The following HNRNPU variants were observed in gnomAD, a reference collection of about 807,000 sequenced individuals.
HNRNPU encodes HNRNPU antisense RNA 1.
A neutral mutation model predicts 94.7 loss-of-function variants in HNRNPU; 5 were observed. The ratio of observed to expected loss-of-function variants is 0.05; its 90% CI spans 0.03 to 0.11. The LOEUF is 0.11. Among genes scored for constraint, HNRNPU ranks in the 10% least tolerant of loss-of-function variants. The pLI is 1.00. For synonymous variants in HNRNPU, 434 were observed against 381.6 expected (o/e 1.14, Z -1.60); for missense variants, 710 against 1,049.2 (o/e 0.68, Z 4.47).
In HNRNPU at chr1:244,863,600, T is replaced by C; in HGVS notation, c.691+17A>G. The C allele has an allele frequency of 6.8e-7, 1 of 1,460,734 alleles. No individual in the cohort carries two copies. The highest frequency in any genetic ancestry group is 8.9e-7 in the Non-Finnish European group (1 of 1,123,932). The allele number at this position is 1,460,734 out of a possible 1,614,324, so 90.5% of individuals were successfully genotyped here. A position where few individuals can be genotyped will look rare whatever the true frequency, so the allele number is the denominator to read the frequency against. ...CGCGGGCCTCCCGCCGCGCGCAACG[T>C]ACAACGCAGCACTCACCCGCCGCCG... On this transcript the variant is annotated intron_variant, in intron 1 of 13. Transcript: ENST00000640218.
At chr1:244,862,262 C>A in intron 3 of HNRNPU, 199 bp downstream of exon 3, 1 of 526,242 alleles carries the variant, frequency 1.9e-6, no homozygotes. Flanking sequence ...CTCCTAGAGC[C>A]TGTAAAATAA....
chr1:244,851,792 A>T lies in HNRNPU; in HGVS notation c.*2658T>A, dbSNP rs754420356. The T allele has an allele frequency of 6.6e-6, 1 of 152,228 alleles. No homozygotes were observed. Among genetic ancestry groups the T allele is most frequent in the Non-Finnish European group, 1.5e-5 (1 of 68,032 alleles). The allele number at this position is 152,228 out of a possible 1,614,324, so 9.4% of individuals were successfully genotyped here. ...AGCCCTTCAAAGGCTGTATGTGAGT[A>T]TATGAGGGAAAACTTTCCACATAAT... On this transcript the variant is annotated 3_prime_UTR_variant, in exon 14 of 14. Transcript: ENST00000640218.
chr1:244,850,750 GTTAAAAC>G lies in HNRNPU; in HGVS notation c.*3693_*3699del, dbSNP rs899577344. On this transcript the variant is annotated 3_prime_UTR_variant, in exon 14 of 14. Transcript: ENST00000640218. ...TGTTTGCTTTTATTATTACTAAAAT[GTTAAAAC>G]TTAAACCCAATTATTCACCAAACTC... is the stretch of plus-strand genomic sequence containing the variant. The G allele has an allele frequency of 6.6e-6, 1 of 152,104 alleles. No homozygotes were observed. The highest frequency in any genetic ancestry group is 2.4e-5 in the African/African-American group (1 of 41,408). 9.4% of individuals were successfully genotyped at this position (152,104 alleles called of 1,614,324 possible). A position where few individuals can be genotyped will look rare whatever the true frequency, so the allele number is the denominator to read the frequency against.
At chr1:244,859,519 A>G in intron 4 of HNRNPU, 145 bp from the exon 5 acceptor site, 1 of 498,608 alleles carries the variant, frequency 2.0e-6, no homozygotes, top group South Asian at 3.6e-5. Context: ...CAATATTTGT[A>G]AGAACTTTAA....
At position 244,855,946 on chromosome 1, in the gene HNRNPU, G is replaced by GTCC. The variant is rs2102985341; in HGVS notation, c.2122_2124dup (p.Gly708dup). The GTCC allele has an allele frequency of 6.2e-7, 1 of 1,613,700 alleles. No homozygotes were observed. Among genetic ancestry groups the GTCC allele is most frequent in the South Asian group, 1.1e-5 (1 of 91,060 alleles). On this transcript the variant is annotated inframe_insertion, in exon 11 of 14. Coordinates refer to ENST00000640218, the MANE Select transcript of HNRNPU (RefSeq NM_031844.3). ...CCACCACGCATATTGAATCCTCCAC[G>GTCC]TCCTCTATGGCCACCACCTCTGTTA...
intron 4 of HNRNPU, 101 bp downstream of exon 4, chr1:244,860,234 G>A: frequency 1.1e-6 from 1 of 925,082 alleles, no homozygotes; most frequent in Non-Finnish European, 1.6e-6. Context: ...CCAGGACGCG[G>A]AGGTTGCAGT....
In HNRNPU at chr1:244,864,411, T is replaced by G. The variant is rs1033668812; in HGVS notation, c.-104A>C. The G allele has an allele frequency of 1.3e-6, 2 of 1,553,006 alleles. No individual in the cohort carries two copies. Among genetic ancestry groups the G allele is most frequent in the Non-Finnish European group, 1.7e-6 (2 of 1,152,116 alleles). On this transcript the variant is annotated 5_prime_UTR_variant, in exon 1 of 14. Coordinates refer to ENST00000640218, the MANE Select transcript of HNRNPU (RefSeq NM_031844.3). ...GCTGCTCCTCGGCCCGGGCGGCGGC[T>G]GCGGCTGCGGCTGGAGATGGGTTCG...
rs773969888 is a variant in HNRNPU at position 244,864,085 on chromosome 1, C to T, written c.223G>A (p.Glu75Lys). Reference sequence around the variant, plus strand: ...TCGCCGCCGGCCGCGGCCTCCTGCTCGAGGCCTGCTCCCGAGCGCCCAGCG... The same window carrying T: ...TCGCCGCCGGCCGCGGCCTCCTGCTTGAGGCCTGCTCCCGAGCGCCCAGCG... ...DSAGRSGAGL[E>K]QEAAAGGDEE... The change falls in exon 1 of 14, where the codon GAG (glutamate) becomes AAG (lysine). Residue 75 changes from glutamate (E) to lysine (K), a missense_variant. Coordinates refer to ENST00000640218, the MANE Select transcript of HNRNPU (RefSeq NM_031844.3). The T allele has an allele frequency of 1.0e-5, 16 of 1,598,874 alleles. No individual in the cohort carries two copies. The highest frequency in any genetic ancestry group is 1.1e-5 in the South Asian group (1 of 89,582).
At chr1:244,856,329 G>C in intron 10 of HNRNPU, 128 bp downstream of exon 10, 3 of 1,198,178 alleles carry the variant, frequency 2.5e-6, no homozygotes, top group Non-Finnish European at 3.5e-6. Flanking sequence ...AGTATTGCTG[G>C]AAAAAATGTT....
At position 244,853,167 on chromosome 1, in the gene HNRNPU, AAT is replaced by A. The variant is rs1680590918; in HGVS notation, c.*1281_*1282del. On this transcript the variant is annotated 3_prime_UTR_variant, in exon 14 of 14. Transcript: ENST00000640218. ...CAGCCAGTACCTTTTCCCCTCATTA[AAT>A]ATGTTAAAAGTTGTCTGGGGGGGAG... The A allele has an allele frequency of 6.5e-6, 1 of 152,680 alleles. No homozygotes were observed. The allele number at this position is 152,680 out of a possible 1,614,324, so 9.5% of individuals were successfully genotyped here.
chr1:244,854,672 T>C (rs918734707), intron 13 of HNRNPU, 169 bp from the exon 14 acceptor site: 9 of 599,838 alleles, frequency 1.5e-5, no homozygotes, highest in Non-Finnish European at 2.6e-5. Context: ...CCCATAATTA[T>C]CAATACACAT....
chr1:244,854,657 A>G, intron 13 of HNRNPU, 154 bp from the exon 14 acceptor site: 1 of 619,298 alleles, frequency 1.6e-6, no homozygotes, highest in African/African-American at 1.8e-5. Context: ...ATTTAGTTTT[A>G]ATATCCCATA....
At position 244,864,472 on chromosome 1, in the gene HNRNPU, C is replaced by CA; in HGVS notation, c.-166_-165insT. 1 of 1,214,664 alleles carries CA rather than the reference C, an allele frequency of 8.2e-7. No individual in the cohort carries two copies. Among genetic ancestry groups the CA allele is most frequent in the Non-Finnish European group, 1.1e-6 (1 of 893,294 alleles). The allele number at this position is 1,214,664 out of a possible 1,614,324, so 75.2% of individuals were successfully genotyped here. On this transcript the variant is annotated 5_prime_UTR_variant, in exon 1 of 14. Transcript: ENST00000640218. Reference sequence around the variant, plus strand: ...CGGATCCGCCTGGTGTCGAACGGCGCCAATTCCTTTCACCGAGTTCGCGAG... The same window carrying CA: ...CGGATCCGCCTGGTGTCGAACGGCGCACAATTCCTTTCACCGAGTTCGCGAG...
At position 244,851,548 on chromosome 1, in the gene HNRNPU, A is replaced by T. The variant is rs1680549227; in HGVS notation, c.*2902T>A. The stretch of plus-strand genomic sequence containing the variant: ...TTATGTTTCCTAGAATAATTTTATA[A>T]CTTTTTCAGAGAATTCCTTTAAACT... On this transcript the variant is annotated 3_prime_UTR_variant, in exon 14 of 14. Transcript: ENST00000640218. 2.0e-5 allele frequency: 3 copies of T among 152,236 alleles called. No homozygotes were observed. The highest frequency in any genetic ancestry group is 7.2e-5 in the African/African-American group (3 of 41,470). The allele number at this position is 152,236 out of a possible 1,614,324, so 9.4% of individuals were successfully genotyped here.
chr1:244,861,756 A>C (rs1412396869), intron 3 of HNRNPU: 2 of 152,044 alleles, frequency 1.3e-5, no homozygotes, highest in Admixed American at 6.6e-5. Context: ...AAAAAAAAAA[A>C]AAAAAACAAG....
intron 3 of HNRNPU, chr1:244,860,984 CTA>C (rs1487942737): frequency 6.5e-6 from 1 of 155,014 alleles, no homozygotes. Context: ...CAGCCTAAAA[CTA>C]TGAAGTACAA....
chr1:244,858,678 A>T (rs752550697), intron 6 of HNRNPU, 51 bp downstream of exon 6: 2 of 940,148 alleles, frequency 2.1e-6, no homozygotes, highest in African/African-American at 3.3e-5. Context: ...AAGTTCCTAG[A>T]TATAGCTACT....
rs1302702441 is a variant in HNRNPU, at chr1:244,855,537, C to T, written c.2239G>A (p.Gly747Ser). 1 of 1,614,056 alleles carries T rather than the reference C, an allele frequency of 6.2e-7. No individual in the cohort carries two copies. The highest frequency in any genetic ancestry group is 8.5e-7 in the Non-Finnish European group (1 of 1,179,956). ...PQRGGGGGGSGGIGYPYPRAP... is the reference protein window; with the variant it reads ...PQRGGGGGGSSGIGYPYPRAP... The stretch of plus-strand genomic sequence containing the variant: ...CGAGGGTATGGATAGCCGATTCCAC[C>T]ACTTCCTCCACCGCCACCACCTCTC... The change falls in exon 12 of 14, where the codon GGT becomes AGT. Residue 747 changes from glycine to serine, a missense_variant. Physicochemically the swap from Gly to Ser is moderately conservative, Grantham distance 56. Around this residue, in one of 8 missense-constraint regions of HNRNPU, gnomAD observed 152 missense variants for 238.9 expected, o/e 0.64. Coordinates refer to ENST00000640218, the MANE Select transcript of HNRNPU (RefSeq NM_031844.3).
rs1005695179 is a variant in HNRNPU, at chr1:244,852,960, T to C, written c.*1490A>G. 1 of 152,628 alleles carries C rather than the reference T, an allele frequency of 6.6e-6. No individual in the cohort carries two copies. Among genetic ancestry groups the C allele is most frequent in the African/African-American group, 2.4e-5 (1 of 41,436 alleles). The allele number at this position is 152,628 out of a possible 1,614,324, so 9.5% of individuals were successfully genotyped here. Reference sequence around the variant, plus strand: ...ATTACAATTAGGGGATCTAATGTTATTACATAGCTACAGTCAAGTTAGCAG... The same window carrying C: ...ATTACAATTAGGGGATCTAATGTTACTACATAGCTACAGTCAAGTTAGCAG... On this transcript the variant is annotated 3_prime_UTR_variant, in exon 14 of 14. Transcript: ENST00000640218.
Sources: allele counts gnomAD v4.1 joint callset, GRCh38; gene constraint gnomAD v4.1.1; regional missense constraint gnomAD v4.1.1; transcripts MANE v1.5; gene names NCBI Gene and HGNC (gene_info 2026-07-23, HGNC 2026-07-21).